The following C4orf50 variants were observed in gnomAD, a reference collection of about 807,000 sequenced individuals.
C4orf50 encodes the protein chromosome 4 open reading frame 50.
A neutral mutation model predicts 77.2 loss-of-function variants in C4orf50; 80 were observed. The observed-to-expected ratio is 1.04, with a 90% CI of 0.87 to 1.25. C4orf50 has a LOEUF of 1.25. C4orf50 is among the 50% of genes most tolerant of loss of function. The pLI, the probability that C4orf50 is intolerant of heterozygous loss-of-function variation, is 0.00. For missense variants in C4orf50, 1,257 were observed against 1,152.9 expected (o/e 1.09, Z -1.31); for synonymous variants, 532 against 465.3 (o/e 1.14, Z -1.84).
chr4:5,991,244 G>A (rs1327886131), intron 27 of C4orf50, among the ~76,000 whole-genome samples: 1 of 152,104 alleles, frequency 6.6e-6, no homozygotes. Flanking sequence ...ACTAGTCATA[G>A]GCCACATGGA....
At position 5,919,434 on chromosome 4, in the gene C4orf50, G is replaced by T. The variant is rs1019102032; in HGVS notation, c.*2475-21246C>A. 6.6e-6 allele frequency among the ~76,000 whole-genome samples: 1 copy of T among 152,088 alleles called. No homozygotes were observed. Among genetic ancestry groups the T allele is most frequent in the Non-Finnish European group, 1.5e-5 (1 of 68,008 alleles). On this transcript the variant is annotated intron_variant, in intron 7 of 7. Transcript: ENST00000324058. The surrounding 1 kb of genome is among the most constrained non-coding windows in gnomAD (Gnocchi z 6.5). ...AGGCAGGGGCAGGTGGGGGTGGGGG[G>T]CACACCCTTTCCTAAAGGGGACTCA...
intron 7 of C4orf50, chr4:5,904,079 T>G (rs2152480069): frequency 6.6e-6 from 1 of 152,282 alleles, no homozygotes; most frequent in Admixed American, 6.5e-5. Flanking sequence ...CAGATCTGAC[T>G]TCCAGTCACC....
intron 29 of C4orf50, among the ~76,000 whole-genome samples, chr4:5,979,795 C>T (rs902188151): frequency 1.4e-4 from 21 of 152,232 alleles, no homozygotes; most frequent in Non-Finnish European, 2.8e-4. Context: ...CAGTTTTAAA[C>T]GTGTGTGTCT....
In C4orf50 at chr4:5,981,385, G is replaced by C. The variant is rs138024956; in HGVS notation, c.3700-1047C>G. ...TGAGATCATCAGGGGGTATTTCCAG[G>C]TGAACAAAGTGAGTATCTTTTTTTT... is the stretch of plus-strand genomic sequence containing the variant. On this transcript the variant is annotated intron_variant, in intron 28 of 33. Transcript: ENST00000531445. Among the ~76,000 whole-genome samples, 362 of 150,068 alleles carry C rather than the reference G, an allele frequency of 2.4e-3. 1 individual carries two copies. The highest frequency in any genetic ancestry group is 8.0e-3 in the African/African-American group (329 of 40,884).
intron 25 of C4orf50, among the ~76,000 whole-genome samples, chr4:6,004,889 G>T (rs1722187117): frequency 1.3e-5 from 2 of 150,786 alleles, no homozygotes; most frequent in Admixed American, 1.3e-4. Flanking sequence ...AGCTAGATTT[G>T]ACTGATCACT....
rs542442254 is a variant in C4orf50, at chr4:5,923,579, TC to T, written c.*2475-25392del. 5.6e-3 allele frequency among the ~76,000 whole-genome samples: 845 copies of T among 151,820 alleles called. 8 individuals carry two copies. The highest frequency in any genetic ancestry group is 0.02 in the African/African-American group (815 of 41,392). On this transcript the variant is annotated intron_variant, in intron 7 of 7. Transcript: ENST00000324058. The stretch of plus-strand genomic sequence containing the variant: ...AGAACCCACAGGGCTGGGCGAGGGA[TC>T]GGGGGTAGGGATGGAGGGGAGAAGG...
At chr4:5,967,770 A>C (rs964724325) in intron 31 of C4orf50, among the ~76,000 whole-genome samples, 5 of 152,218 alleles carry the variant, frequency 3.3e-5, no homozygotes, top group African/African-American at 1.2e-4. Flanking sequence ...CTATTAAAAA[A>C]CATTTTAATG....
intron 33 of C4orf50, among the ~76,000 whole-genome samples, chr4:5,961,236 A>G (rs1719255722): frequency 6.6e-6 from 1 of 152,174 alleles, no homozygotes; most frequent in African/African-American, 2.4e-5. Flanking sequence ...AATCGCTCAA[A>G]CCTGGGAGGC....
intron 7 of C4orf50, among the ~76,000 whole-genome samples, chr4:5,931,538 G>T (rs1387696261): frequency 6.6e-6 from 1 of 152,156 alleles, no homozygotes; most frequent in African/African-American, 2.4e-5. Context: ...TGGCGAGGCT[G>T]AGCTGAACTA....
At chr4:6,004,087 T>C (rs1722043309) in intron 25 of C4orf50, among the ~76,000 whole-genome samples, 4 of 84,400 alleles carry the variant, frequency 4.7e-5, no homozygotes, top group Admixed American at 1.3e-4. Context: ...GATGTGATAG[T>C]GATGATGGTG....
chr4:5,980,467 T>C lies in C4orf50; in HGVS notation c.3700-129A>G, dbSNP rs935113163. ...TGTTGTTGTTGTTTTCCTGCTTATA[T>C]TTCTCTTACAGTAAGTTTTAGAAGA... On this transcript the variant is annotated intron_variant, in intron 28 of 33. Transcript: ENST00000531445. 3.8e-6 allele frequency: 3 copies of C among 788,532 alleles called. No homozygotes were observed. In the East Asian group the frequency reaches 8.5e-5, roughly 22 times the overall value. 48.8% of individuals were successfully genotyped at this position (788,532 alleles called of 1,614,324 possible).
chr4:5,942,515 G>A (rs1393361772), intron 7 of C4orf50, among the ~76,000 whole-genome samples: 1 of 152,188 alleles, frequency 6.6e-6, no homozygotes. Flanking sequence ...AGTAAGTAGT[G>A]GGGATGAGGG....
intron 7 of C4orf50, chr4:5,899,446 C>G (rs528732271): frequency 1.2e-4 from 19 of 152,300 alleles, no homozygotes; most frequent in Admixed American, 9.8e-4. Flanking sequence ...TCTGCCACAG[C>G]GGAGCTCAAA....
Position 5,973,533 on chromosome 4 carries a change from C to T in C4orf50, c.4104+126G>A. On this transcript the variant is annotated intron_variant, in intron 31 of 33. Transcript: ENST00000531445. Reference sequence around the variant, plus strand: ...CAGAGGAAAAGCCAGGGGGTGTCTTCTTGGGTAGTGTCCGCGGTGGGAGGG... The same window carrying T: ...CAGAGGAAAAGCCAGGGGGTGTCTTTTTGGGTAGTGTCCGCGGTGGGAGGG... The T allele has an allele frequency of 4.9e-6, 4 of 816,628 alleles. No homozygotes were observed. In the South Asian group the frequency reaches 5.0e-5, roughly 10 times the overall value. 50.6% of individuals were successfully genotyped at this position (816,628 alleles called of 1,614,324 possible). A position where few individuals can be genotyped will look rare whatever the true frequency, so the allele number is the denominator to read the frequency against.
intron 7 of C4orf50, among the ~76,000 whole-genome samples, chr4:5,943,094 T>C (rs1394149908): frequency 1.3e-5 from 2 of 152,206 alleles, no homozygotes; most frequent in Non-Finnish European, 2.9e-5. Context: ...TATCCTAGTG[T>C]TCCAGGCAGG....
intron 25 of C4orf50, among the ~76,000 whole-genome samples, chr4:5,998,177 G>A (rs957032866): frequency 2.0e-5 from 3 of 152,196 alleles, no homozygotes; most frequent in Admixed American, 6.6e-5. Flanking sequence ...CCACACGGCT[G>A]CAGGCCCTTT....
exon 28 of C4orf50, chr4:5,989,670 C>T (rs1368485046): frequency 6.5e-7 from 1 of 1,536,126 alleles, no homozygotes; most frequent in Admixed American, 2.0e-5. Flanking sequence ...GTCCTTTGCT[C>T]ACAGCCTGTG....
intron 33 of C4orf50, among the ~76,000 whole-genome samples, chr4:5,962,660 AG>A (rs1415590642): frequency 1.3e-5 from 2 of 152,226 alleles, no homozygotes; most frequent in African/African-American, 2.4e-5. Flanking sequence ...CCTGGTTGGA[AG>A]CCCAGCTCTG....
intron 25 of C4orf50, among the ~76,000 whole-genome samples, chr4:5,995,127 TC>T (rs1287760253): frequency 6.6e-6 from 1 of 151,876 alleles, no homozygotes; most frequent in Non-Finnish European, 1.5e-5. Flanking sequence ...CACCAAAGGC[TC>T]CCAGCTCCAC....
Sources: allele counts gnomAD v4.1 joint callset (sites outside exome capture counted in the v4.1 genomes callset), GRCh38; gene constraint gnomAD v4.1.1; non-coding constraint Gnocchi (gnomAD v3.1); transcripts MANE v1.5; gene names NCBI Gene and HGNC (gene_info 2026-07-23, HGNC 2026-07-21).